Variants in CAMKMT observed in about 807,000 individuals in gnomAD.
CAMKMT encodes CaM KMT.
In CAMKMT, 53 loss-of-function variants were observed where a neutral mutation model predicts 48.0. The ratio of observed to expected loss-of-function variants is 1.10; its 90% CI spans 0.89 to 1.39. The LOEUF (loss-of-function observed/expected upper bound fraction) is 1.39. Ranked by LOEUF, CAMKMT falls within the 40% of genes most tolerant of loss-of-function variation. The pLI is 0.00. For synonymous variants in CAMKMT, 165 were observed against 152.3 expected (o/e 1.08, Z -0.61); for missense variants, 428 against 402.7 (o/e 1.06, Z -0.54).
intron 3 of CAMKMT, among the ~76,000 whole-genome samples, chr2:44,408,997 C>G (rs1682976696): frequency 6.6e-6 from 1 of 151,274 alleles, no homozygotes; most frequent in South Asian, 2.1e-4. Context: ...CTGCCTCGGC[C>G]TCCCAAAGAG....
At position 44,371,054 on chromosome 2, in the gene CAMKMT, G is replaced by A. The variant is rs554878803; in HGVS notation, c.139-1662G>A. On this transcript the variant is annotated intron_variant, in intron 1 of 10. Coordinates refer to ENST00000378494, the MANE Select transcript of CAMKMT (RefSeq NM_024766.5). Reference sequence around the variant, plus strand: ...GGCTGGAGTGCAATGGCACAATCTCGGCTTACTGCAACCTCTGCCTCCTGG... The same window carrying A: ...GGCTGGAGTGCAATGGCACAATCTCAGCTTACTGCAACCTCTGCCTCCTGG... Among the ~76,000 whole-genome samples, 16 of 152,196 alleles carry A rather than the reference G, an allele frequency of 1.1e-4. No homozygotes were observed. In the East Asian group the frequency reaches 2.7e-3, roughly 26 times the overall value.
intron 3 of CAMKMT, among the ~76,000 whole-genome samples, chr2:44,629,442 T>G (rs1483412197): frequency 5.4e-5 from 8 of 147,756 alleles, no homozygotes; most frequent in African/African-American, 2.0e-4. Flanking sequence ...TCTTTTTTTT[T>G]TTTTTTTTTT....
intron 3 of CAMKMT, among the ~76,000 whole-genome samples, chr2:44,458,726 C>T (rs897550919): frequency 2.0e-5 from 3 of 152,160 alleles, no homozygotes; most frequent in Admixed American, 2.0e-4. Context: ...ACTTTCCATT[C>T]TCTCTAGGGA....
chr2:44,733,251 T>C (rs1679177402), intron 7 of CAMKMT, among the ~76,000 whole-genome samples: 1 of 152,214 alleles, frequency 6.6e-6, no homozygotes. Context: ...TCTTTAAGTG[T>C]TTCATATTTT....
At chr2:44,430,130 G>A (rs1290523661) in intron 3 of CAMKMT, among the ~76,000 whole-genome samples, 1 of 151,888 alleles carries the variant, frequency 6.6e-6, no homozygotes, top group African/African-American at 2.4e-5. Context: ...AGTATTCCAT[G>A]TAAAACAGTG....
At chr2:44,501,223 G>GT (rs1173957224) in intron 3 of CAMKMT, among the ~76,000 whole-genome samples, 6 of 151,614 alleles carry the variant, frequency 4.0e-5, no homozygotes, top group East Asian at 1.9e-4. Context: ...GCAATGGTAG[G>GT]TTTTTTCTTC....
chr2:44,443,806 G>A lies in CAMKMT; in HGVS notation c.376+53501G>A, dbSNP rs187157547. Among the ~76,000 whole-genome samples the A allele has an allele frequency of 1.5e-4, 23 of 152,264 alleles. No homozygotes were observed. In the East Asian group the frequency reaches 3.9e-3, roughly 26 times the overall value. ...ATGTTATGTTGTGCAGCTCTGCGAA[G>A]GGAGTTCATCCGTTCTCACCTCATA... On this transcript the variant is annotated intron_variant, in intron 3 of 10. Coordinates refer to ENST00000378494, the MANE Select transcript of CAMKMT (RefSeq NM_024766.5).
intron 3 of CAMKMT, among the ~76,000 whole-genome samples, chr2:44,581,206 A>G (rs1046389281): frequency 3.3e-5 from 5 of 152,212 alleles, no homozygotes; most frequent in Non-Finnish European, 7.3e-5. Context: ...TAAGAATGTA[A>G]TAACAAAAAG....
intron 3 of CAMKMT, among the ~76,000 whole-genome samples, chr2:44,527,413 ATT>A (rs1666198970): frequency 8.8e-6 from 1 of 114,056 alleles, no homozygotes; most frequent in African/African-American, 3.3e-5. Flanking sequence ...ACGTATATAT[ATT>A]ATATATATAT....
At chr2:44,609,084 G>C (rs577907121) in intron 3 of CAMKMT, among the ~76,000 whole-genome samples, 3 of 152,234 alleles carry the variant, frequency 2.0e-5, no homozygotes, top group Admixed American at 1.3e-4. Flanking sequence ...TTTTCCACTT[G>C]TTCCTAGACC....
intron 3 of CAMKMT, among the ~76,000 whole-genome samples, chr2:44,444,855 A>G (rs1666883441): frequency 6.6e-6 from 1 of 152,202 alleles, no homozygotes; most frequent in Non-Finnish European, 1.5e-5. Flanking sequence ...ATGTCACAGG[A>G]CATCCAAGGA....
intron 3 of CAMKMT, among the ~76,000 whole-genome samples, chr2:44,518,413 A>T (rs373530248): frequency 6.6e-6 from 1 of 152,228 alleles, no homozygotes; most frequent in African/African-American, 2.4e-5. Flanking sequence ...AATAAAAAAC[A>T]TAATGTTTGC....
chr2:44,731,334 C>G (rs1385262077), intron 7 of CAMKMT, among the ~76,000 whole-genome samples: 1 of 152,110 alleles, frequency 6.6e-6, no homozygotes, highest in Non-Finnish European at 1.5e-5. Context: ...GAGCAAGACT[C>G]TGTCTCAGAA....
chr2:44,746,208 T>C (rs1476884353), intron 8 of CAMKMT, among the ~76,000 whole-genome samples: 2 of 152,228 alleles, frequency 1.3e-5, no homozygotes. Context: ...GATTAAAATC[T>C]TATTGAAGCG....
chr2:44,684,529 A>G (rs1676224808), intron 3 of CAMKMT, among the ~76,000 whole-genome samples: 3 of 151,958 alleles, frequency 2.0e-5, no homozygotes, highest in African/African-American at 4.8e-5. Flanking sequence ...TCTCTCTCTC[A>G]AGTCACTTAA....
intron 4 of CAMKMT, chr2:44,705,223 G>A (rs1370933419): frequency 3.4e-6 from 1 of 293,774 alleles, no homozygotes; most frequent in Non-Finnish European, 5.1e-6. Context: ...AGTGTGTTTT[G>A]AAATATTAAT....
At chr2:44,713,570 G>T (rs1678000914) in intron 6 of CAMKMT, among the ~76,000 whole-genome samples, 6 of 151,930 alleles carry the variant, frequency 3.9e-5, no homozygotes, top group Admixed American at 3.9e-4. Flanking sequence ...AAACAAGTAG[G>T]CAAATTAGTC....
At chr2:44,434,440 A>G (rs1026370485) in intron 3 of CAMKMT, among the ~76,000 whole-genome samples, 7 of 152,150 alleles carry the variant, frequency 4.6e-5, no homozygotes, top group Non-Finnish European at 8.8e-5. Flanking sequence ...ATATTAACTC[A>G]TTTAGGATAT....
intron 3 of CAMKMT, among the ~76,000 whole-genome samples, chr2:44,452,579 T>A (rs1184131093): frequency 1.3e-5 from 2 of 152,160 alleles, no homozygotes; most frequent in African/African-American, 4.8e-5. Flanking sequence ...ATGGCACACT[T>A]GGCTTACAGA....
Sources: gnomAD v4.1 joint callset for allele counts (sites outside exome capture counted in the v4.1 genomes callset) on GRCh38, gnomAD v4.1.1 for gene constraint, MANE v1.5 for transcripts, NCBI Gene and HGNC (gene_info 2026-07-23, HGNC 2026-07-21) for gene names.